Variants in MAPK8 observed in about 807,000 individuals in gnomAD.
The protein encoded by MAPK8 is mitogen-activated protein kinase 8, also known as JUN N-terminal kinase.
MAPK8 carries 13 observed loss-of-function variants against 52.9 expected under a neutral mutation model. The observed-to-expected ratio is 0.25, with a 90% CI of 0.16 to 0.39. The LOEUF is 0.39. Ranked by LOEUF, MAPK8 falls within the 10% of genes least tolerant of loss-of-function variation. MAPK8 has a pLI of 1.00. For missense variants in MAPK8, 300 were observed against 519.2 expected (o/e 0.58, Z 4.10); for synonymous variants, 191 against 169.8 (o/e 1.12, Z -0.97).
chr10:48,387,877 G>T (rs2041405950), intron 1 of MAPK8, among the ~76,000 whole-genome samples: 1 of 151,250 alleles, frequency 6.6e-6, no homozygotes, highest in South Asian at 2.1e-4. Flanking sequence ...TTGGAAGAGT[G>T]GAATTTTGTG....
intron 1 of MAPK8, among the ~76,000 whole-genome samples, chr10:48,390,029 A>G (rs1039756379): frequency 4.6e-5 from 7 of 152,180 alleles, no homozygotes; most frequent in African/African-American, 1.7e-4. Context: ...TTGAGTCCAA[A>G]GGCCTGAGAA....
At chr10:48,399,452 T>C (rs1228965701) in intron 1 of MAPK8, among the ~76,000 whole-genome samples, 1 of 152,190 alleles carries the variant, frequency 6.6e-6, no homozygotes, top group Non-Finnish European at 1.5e-5. Flanking sequence ...TCTGCCCTGC[T>C]CCTGGGGAGT....
At chr10:48,339,081 G>C (rs1431756885) in intron 1 of MAPK8, among the ~76,000 whole-genome samples, 1 of 151,826 alleles carries the variant, frequency 6.6e-6, no homozygotes, top group African/African-American at 2.4e-5. Context: ...AATTAGAAAA[G>C]ACAATTCTAA....
At chr10:48,356,222 T>C (rs900074635) in intron 1 of MAPK8, among the ~76,000 whole-genome samples, 1 of 152,216 alleles carries the variant, frequency 6.6e-6, no homozygotes, top group African/African-American at 2.4e-5. Context: ...ATGTCAATGA[T>C]AGCACGTAAG....
At chr10:48,389,243 A>T (rs552926697) in intron 1 of MAPK8, among the ~76,000 whole-genome samples, 1 of 152,176 alleles carries the variant, frequency 6.6e-6, no homozygotes, top group African/African-American at 2.4e-5. Context: ...GAGTGAGGTT[A>T]AATTTAAGCT....
chr10:48,410,227 A>C (rs1247406856), intron 5 of MAPK8, 59 bp downstream of exon 5: 1 of 1,401,214 alleles, frequency 7.1e-7, no homozygotes, highest in Non-Finnish European at 9.4e-7. Context: ...AAATTCATGT[A>C]ACAAAATTAA....
intron 1 of MAPK8, among the ~76,000 whole-genome samples, chr10:48,398,505 A>G (rs923394891): frequency 2.0e-5 from 3 of 152,232 alleles, no homozygotes; most frequent in Admixed American, 2.0e-4. Flanking sequence ...TGCAAATGAA[A>G]AATGATATGG....
intron 1 of MAPK8, among the ~76,000 whole-genome samples, chr10:48,329,970 ATATT>A (rs1190795520): frequency 6.6e-6 from 1 of 152,218 alleles, no homozygotes; most frequent in African/African-American, 2.4e-5. Context: ...CAAATATAAA[ATATT>A]TAGGAAAAAG....
intron 1 of MAPK8, among the ~76,000 whole-genome samples, chr10:48,375,195 C>T (rs1292827997): frequency 2.6e-5 from 4 of 152,180 alleles, no homozygotes; most frequent in Admixed American, 6.5e-5. Flanking sequence ...AGCAGCCCCT[C>T]ATGCTAAATA....
At chr10:48,417,204 T>C (rs957948450) in intron 5 of MAPK8, among the ~76,000 whole-genome samples, 1 of 152,228 alleles carries the variant, frequency 6.6e-6, no homozygotes, top group Non-Finnish European at 1.5e-5. Flanking sequence ...CCTTTGGCGT[T>C]AGGTCTGACA....
intron 1 of MAPK8, among the ~76,000 whole-genome samples, chr10:48,365,682 A>C (rs1468720445): frequency 6.6e-6 from 1 of 152,182 alleles, no homozygotes; most frequent in Non-Finnish European, 1.5e-5. Context: ...TCTATAAAGA[A>C]TCTTTGACAA....
chr10:48,374,385 A>G (rs2040521231), intron 1 of MAPK8, among the ~76,000 whole-genome samples: 1 of 152,154 alleles, frequency 6.6e-6, no homozygotes, highest in Non-Finnish European at 1.5e-5. Flanking sequence ...ACAAAAAATA[A>G]CTAAGATCAG....
intron 1 of MAPK8, among the ~76,000 whole-genome samples, chr10:48,342,686 TA>T (rs1271102198): frequency 2.0e-5 from 3 of 152,118 alleles, no homozygotes; most frequent in Non-Finnish European, 4.4e-5. Flanking sequence ...ATAGGAGGAG[TA>T]ACTCCTCAGA....
At chr10:48,422,391 A>C (rs1654931239) in intron 6 of MAPK8, among the ~76,000 whole-genome samples, 1 of 152,174 alleles carries the variant, frequency 6.6e-6, no homozygotes, top group Admixed American at 6.5e-5. Context: ...TACTCAGAGC[A>C]TTTTGGAAAG....
intron 2 of MAPK8, among the ~76,000 whole-genome samples, chr10:48,403,156 T>TC (rs1241532018): frequency 6.6e-6 from 1 of 152,156 alleles, no homozygotes; most frequent in Non-Finnish European, 1.5e-5. Flanking sequence ...ATATTATATT[T>TC]CTTTCTAAAA....
chr10:48,330,204 A>G (rs1458338297), intron 1 of MAPK8, among the ~76,000 whole-genome samples: 1 of 152,226 alleles, frequency 6.6e-6, no homozygotes, highest in Admixed American at 6.5e-5. Context: ...ATGTATTCTT[A>G]ATAGAGAAAT....
intron 1 of MAPK8, among the ~76,000 whole-genome samples, chr10:48,367,590 A>G (rs1482579751): frequency 6.6e-6 from 1 of 152,116 alleles, no homozygotes; most frequent in Non-Finnish European, 1.5e-5. Flanking sequence ...TATGAAAAGT[A>G]TTTGTGAATA....
chr10:48,316,715 C>A (rs949758882), intron 1 of MAPK8, among the ~76,000 whole-genome samples: 1 of 152,078 alleles, frequency 6.6e-6, no homozygotes, highest in Non-Finnish European at 1.5e-5. Context: ...GGTTGCTCAT[C>A]CTTATAAAAT....
chr10:48,371,294 A>G (rs1848507245), intron 1 of MAPK8, among the ~76,000 whole-genome samples: 1 of 152,172 alleles, frequency 6.6e-6, no homozygotes, highest in South Asian at 2.1e-4. Flanking sequence ...CCTCAGGAGT[A>G]TCATAGTTAT....
Sources: gnomAD v4.1 joint callset for allele counts (sites outside exome capture counted in the v4.1 genomes callset) on GRCh38, gnomAD v4.1.1 for gene constraint, MANE v1.5 for transcripts, NCBI Gene and HGNC (gene_info 2026-07-23, HGNC 2026-07-21) for gene names.